UBASH3B: variants seen among roughly 807,000 people sequenced by gnomAD.
UBASH3B encodes the protein ubiquitin associated and SH3 domain containing B.
In UBASH3B, 37 loss-of-function variants were observed where a neutral mutation model predicts 83.4. The ratio of observed to expected loss-of-function variants is 0.44; its 90% CI spans 0.34 to 0.58. UBASH3B has a LOEUF of 0.58. UBASH3B is among the 20% of genes least tolerant of loss of function. UBASH3B has a pLI of 0.01. For missense variants in UBASH3B, 657 were observed against 827.2 expected (o/e 0.79, Z 2.52); for synonymous variants, 304 against 318.3 (o/e 0.96, Z 0.48).
chr11:122,709,834 G>GGT (rs1864167578), intron 1 of UBASH3B, among the ~76,000 whole-genome samples: 1 of 150,524 alleles, frequency 6.6e-6, no homozygotes, highest in African/African-American at 2.5e-5. Context: ...TTGTTCATTT[G>GGT]TTAGTTCATT....
At chr11:122,699,837 G>A (rs930812505) in intron 1 of UBASH3B, among the ~76,000 whole-genome samples, 1 of 152,090 alleles carries the variant, frequency 6.6e-6, no homozygotes, top group Non-Finnish European at 1.5e-5. Flanking sequence ...ACCTGCCTCG[G>A]CCTCCCAAAG....
chr11:122,783,007 A>C, intron 4 of UBASH3B, 46 bp from the exon 5 acceptor site: 2 of 1,584,382 alleles, frequency 1.3e-6, no homozygotes, highest in South Asian at 1.2e-5. Flanking sequence ...CACCATTGCT[A>C]TCATCACCAC....
In UBASH3B at chr11:122,813,468, A is replaced by G. The variant is rs1210311563; in HGVS notation, c.*3582A>G. On this transcript the variant is annotated 3_prime_UTR_variant, in exon 14 of 14. Transcript: ENST00000284273. ...TGAATTGCTCTTTTGAAATTACTCT[A>G]AGTAATCCATGTGTTAGAATACAGA... 6.6e-6 allele frequency: 1 copy of G among 152,220 alleles called. No individual in the cohort carries two copies. The highest frequency in any genetic ancestry group is 1.5e-5 in the Non-Finnish European group (1 of 68,036). The allele number at this position is 152,220 out of a possible 1,614,324, so 9.4% of individuals were successfully genotyped here.
chr11:122,704,539 TCA>T (rs1199844833), intron 1 of UBASH3B, among the ~76,000 whole-genome samples: 1 of 151,918 alleles, frequency 6.6e-6, no homozygotes, highest in Non-Finnish European at 1.5e-5. Flanking sequence ...AGACTGAGCC[TCA>T]CTCTGTCATC....
intron 1 of UBASH3B, among the ~76,000 whole-genome samples, chr11:122,688,159 G>C (rs75473557): frequency 0.011 from 1,663 of 152,160 alleles, 27 homozygotes; most frequent in African/African-American, 0.036. Context: ...GATGACAATT[G>C]TGTAGAATCT....
chr11:122,681,718 A>G (rs1863741926), intron 1 of UBASH3B, among the ~76,000 whole-genome samples: 1 of 152,112 alleles, frequency 6.6e-6, no homozygotes. Context: ...ACACACAGGC[A>G]CATGCATGCA....
rs190544330 is a variant in UBASH3B at position 122,665,285 on chromosome 11, C to T, written c.161+9075C>T. ...CTCGAACACTTGGGCTCCAGTAATC[C>T]TCCTGCCTCAGCCTTCTGAACAGTG... is the stretch of plus-strand genomic sequence containing the variant. On this transcript the variant is annotated intron_variant, in intron 1 of 13. Coordinates refer to ENST00000284273, the MANE Select transcript of UBASH3B (RefSeq NM_032873.5). 1.9e-3 allele frequency among the ~76,000 whole-genome samples: 291 copies of T among 152,312 alleles called. 2 individuals carry two copies. The highest frequency in any genetic ancestry group is 6.7e-3 in the African/African-American group (280 of 41,568).
At chr11:122,776,730 GA>G (rs1555145555) in intron 2 of UBASH3B, among the ~76,000 whole-genome samples, 1 of 152,160 alleles carries the variant, frequency 6.6e-6, no homozygotes, top group Non-Finnish European at 1.5e-5. Context: ...AGTGGATTGG[GA>G]AAGGATTTGG....
intron 1 of UBASH3B, among the ~76,000 whole-genome samples, chr11:122,697,456 C>A (rs949264353): frequency 2.0e-5 from 3 of 152,090 alleles, no homozygotes; most frequent in Admixed American, 2.0e-4. Context: ...TAAATAAAAT[C>A]CCAGTATATG....
At chr11:122,809,618 A>C (rs916905852) in intron 13 of UBASH3B, 131 bp from the exon 14 acceptor site, 2 of 902,126 alleles carry the variant, frequency 2.2e-6, no homozygotes, top group Admixed American at 2.8e-5. Flanking sequence ...AAGGGAATGC[A>C]TTTCTACAAA....
intron 1 of UBASH3B, among the ~76,000 whole-genome samples, chr11:122,718,220 C>T (rs1217573966): frequency 6.6e-6 from 1 of 152,108 alleles, no homozygotes; most frequent in African/African-American, 2.4e-5. Flanking sequence ...CCACCATGCC[C>T]GGCCTCACCC....
intron 11 of UBASH3B, among the ~76,000 whole-genome samples, chr11:122,803,512 T>C (rs1440311951): frequency 6.6e-6 from 1 of 151,998 alleles, no homozygotes; most frequent in Non-Finnish European, 1.5e-5. Flanking sequence ...TATTGAAGCA[T>C]CATCCACAGG....
At chr11:122,729,613 TA>T (rs1207632671) in intron 1 of UBASH3B, among the ~76,000 whole-genome samples, 1 of 151,910 alleles carries the variant, frequency 6.6e-6, no homozygotes, top group Non-Finnish European at 1.5e-5. Context: ...CTAGGGTAAA[TA>T]AATCTTTATG....
intron 1 of UBASH3B, among the ~76,000 whole-genome samples, chr11:122,743,524 T>C (rs2135961846): frequency 6.6e-6 from 1 of 152,254 alleles, no homozygotes; most frequent in Middle Eastern, 3.4e-3. Flanking sequence ...ACTGATTAAG[T>C]CCCATGCCTG....
At chr11:122,658,529 T>A (rs544896021) in intron 1 of UBASH3B, among the ~76,000 whole-genome samples, 1 of 152,328 alleles carries the variant, frequency 6.6e-6, no homozygotes, top group South Asian at 2.1e-4. Context: ...CTTATATCTT[T>A]ATTACCCATT....
At chr11:122,677,547 A>C (rs1485100384) in intron 1 of UBASH3B, among the ~76,000 whole-genome samples, 1 of 152,190 alleles carries the variant, frequency 6.6e-6, no homozygotes, top group African/African-American at 2.4e-5. Flanking sequence ...AGTTTCCCAG[A>C]CTAGACTGTG....
At chr11:122,788,618 A>AAG (rs1860997008) in intron 5 of UBASH3B, among the ~76,000 whole-genome samples, 1 of 152,104 alleles carries the variant, frequency 6.6e-6, no homozygotes, top group Admixed American at 6.5e-5. Flanking sequence ...GTTACACAGA[A>AAG]AGGGGGTACT....
intron 7 of UBASH3B, among the ~76,000 whole-genome samples, chr11:122,795,117 T>C (rs943468625): frequency 1.3e-5 from 2 of 152,168 alleles, no homozygotes; most frequent in Non-Finnish European, 2.9e-5. Context: ...ATGCCCATAG[T>C]TGTATCTGTT....
intron 1 of UBASH3B, among the ~76,000 whole-genome samples, chr11:122,771,948 G>A (rs1197177349): frequency 1.3e-5 from 2 of 152,104 alleles, no homozygotes; most frequent in African/African-American, 4.8e-5. Flanking sequence ...CTGGATACTT[G>A]GTTTTTATTA....
Sources: allele counts gnomAD v4.1 joint callset (sites outside exome capture counted in the v4.1 genomes callset), GRCh38; gene constraint gnomAD v4.1.1; transcripts MANE v1.5; gene names NCBI Gene and HGNC (gene_info 2026-07-23, HGNC 2026-07-21).